Variants in MSS51 observed in about 807,000 individuals in gnomAD.
MSS51 encodes MSS51 mitochondrial translational activator, also known as putative protein MSS51 homolog, mitochondrial.
Under a neutral mutation model 40.2 loss-of-function variants are expected in MSS51, and 32 were observed. The ratio of observed to expected loss-of-function variants is 0.80; its 90% CI spans 0.60 to 1.07. MSS51 has a LOEUF of 1.07. Among genes scored for constraint, MSS51 ranks in the 50% least tolerant of loss-of-function variants. The probability of loss-of-function intolerance (pLI) is 0.00; values close to 1 mark genes in which losing one functional copy is unlikely to be tolerated. For synonymous variants in MSS51, 178 were observed against 214.2 expected, an observed-to-expected ratio of 0.83 and a Z score of 1.48; for missense variants, 518 against 568.9, an observed-to-expected ratio of 0.91 and a Z score of 0.91.
intron 1 of MSS51, chr10:73,429,584 G>C (rs540232093): frequency 5.7e-5 from 26 of 456,020 alleles, no homozygotes; most frequent in African/African-American, 5.0e-4. Context: ...TTCCTAAAGT[G>C]GTAAGTTTTG....
intron 1 of MSS51, among the ~76,000 whole-genome samples, chr10:73,432,393 G>C (rs1239335888): frequency 6.6e-6 from 1 of 151,972 alleles, no homozygotes; most frequent in Non-Finnish European, 1.5e-5. Context: ...AAATAGGTAT[G>C]GAAGGAAAGT....
rs539931610 is a variant in MSS51, at chr10:73,430,879, A to G, written c.-17-2578T>C. Among the ~76,000 whole-genome samples the G allele has an allele frequency of 4.6e-5, 7 of 152,332 alleles. No homozygotes were observed. In the South Asian group the frequency reaches 1.4e-3, roughly 32 times the overall value. On this transcript the variant is annotated intron_variant, in intron 1 of 6. Transcript: ENST00000299432. ...GGTAGAAACAACCCAAAGGTCCATC[A>G]ATGGATAAATGGATAAACAAATTGG...
chr10:73,428,020 T>C, intron 2 of MSS51, 44 bp downstream of exon 2: 1 of 1,572,058 alleles, frequency 6.4e-7, no homozygotes, highest in Non-Finnish European at 8.7e-7. Context: ...AATTTACTTC[T>C]ACCAGAGACA....
At chr10:73,431,803 T>C (rs760737802) in intron 1 of MSS51, among the ~76,000 whole-genome samples, 3 of 152,210 alleles carry the variant, frequency 2.0e-5, no homozygotes, top group Non-Finnish European at 4.4e-5. Context: ...TTACCTTCAA[T>C]GAAGAAATTG....
In MSS51 at chr10:73,424,779, A is replaced by C; in HGVS notation, c.1164-7T>G. The C allele has an allele frequency of 6.2e-7, 1 of 1,604,018 alleles. No homozygotes were observed. The highest frequency in any genetic ancestry group is 8.5e-7 in the Non-Finnish European group (1 of 1,170,950). On this transcript the variant is annotated splice_region_variant and splice_polypyrimidine_tract_variant and intron_variant, in intron 6 of 6. Transcript: ENST00000299432. ...GGATACCAACTCCTGATGGCTGTAG[A>C]AGAGAGAGAAGAAAAATTACTCTAC...
At position 73,424,164 on chromosome 10, in the gene MSS51, G is replaced by C. The variant is rs540604064; in HGVS notation, c.*389C>G. On this transcript the variant is annotated 3_prime_UTR_variant, in exon 7 of 7. Transcript: ENST00000299432. ...GAGGCTGAGGCAGGCAGATCACCTGGGGTCAAGGGTTTGATACGAGCCTGG... is the reference window on the plus strand; with the variant it reads ...GAGGCTGAGGCAGGCAGATCACCTGCGGTCAAGGGTTTGATACGAGCCTGG... 5.5e-6 allele frequency: 1 copy of C among 181,416 alleles called. No homozygotes were observed. Among genetic ancestry groups the C allele is most frequent in the East Asian group, 1.4e-4 (1 of 7,200 alleles). 11.2% of individuals were successfully genotyped at this position (181,416 alleles called of 1,614,324 possible).
intron 1 of MSS51, among the ~76,000 whole-genome samples, chr10:73,429,905 CAGA>C: frequency 6.6e-6 from 1 of 152,208 alleles, no homozygotes; most frequent in African/African-American, 2.4e-5. Flanking sequence ...AATGGGAGAT[CAGA>C]AGAAGAAAAT....
rs2055991935 is a variant in MSS51 at position 73,426,697 on chromosome 10, G to A, written c.412C>T (p.Gln138Ter). ...CTGTGTGCGGGCCAGTCTGACTTCT[G>A]GCACTCTGGACCACAGTAATAGACA... ...RNVYYCGPEC[Q>*]KSDWPAHRRV... Residue 138 changes from glutamine (Q) to a stop codon, truncating the protein, a stop_gained, in exon 4 of 7, where the codon CAG becomes TAG. Transcript: ENST00000299432. LOFTEE classifies it high-confidence loss of function. The A allele has an allele frequency of 1.2e-6, 2 of 1,614,120 alleles. No homozygotes were observed. Among genetic ancestry groups the A allele is most frequent in the Admixed American group, 1.7e-5 (1 of 60,022 alleles).
intron 1 of MSS51, 52 bp from the exon 2 acceptor site, chr10:73,428,353 C>T: frequency 7.3e-7 from 1 of 1,369,376 alleles, no homozygotes; most frequent in South Asian, 1.4e-5. Context: ...AAGCTGGACA[C>T]TTGTGAAGTA....
In MSS51 at chr10:73,426,131, A is replaced by C; in HGVS notation, c.749T>G (p.Leu250Arg). The C allele has an allele frequency of 6.2e-7, 1 of 1,614,198 alleles. No homozygotes were observed. Among genetic ancestry groups the C allele is most frequent in the Non-Finnish European group, 8.5e-7 (1 of 1,180,022 alleles). ...LSRPLTLGLGLRALGIDVRRT... is the reference protein window; with the variant it reads ...LSRPLTLGLGRRALGIDVRRT... ...CCTAACATCTATCCCCAAGGCCCTA[A>C]GTCCTAGGCCTAGAGTCAAGGGCCG... The change falls in exon 5 of 7, where the codon CTT becomes CGT. Residue 250 changes from leucine to arginine, a missense_variant. Coordinates refer to ENST00000299432, the MANE Select transcript of MSS51 (RefSeq NM_001024593.2).
In MSS51 at chr10:73,433,514, C is replaced by G. The variant is rs1383243030; in HGVS notation, c.-19G>C. 1 of 152,192 alleles carries G rather than the reference C, an allele frequency of 6.6e-6. No homozygotes were observed. 9.4% of individuals were successfully genotyped at this position (152,192 alleles called of 1,614,324 possible). On this transcript the variant is annotated splice_region_variant and 5_prime_UTR_variant, in exon 1 of 7. Transcript: ENST00000299432. ...AGGTTGACGGAAAAAAAAACTTACC[C>G]TGCTAAGTCCTCAGCTTCCTTCCTT... is the stretch of plus-strand genomic sequence containing the variant.
Position 73,427,848 on chromosome 10 carries a change from C to T in MSS51, c.222-80G>A. 4.6e-6 allele frequency: 7 copies of T among 1,506,452 alleles called. No homozygotes were observed. The South Asian group carries it at 5.0e-5, about 11-fold the overall frequency. 93.3% of individuals were successfully genotyped at this position (1,506,452 alleles called of 1,614,324 possible). A position where few individuals can be genotyped will look rare whatever the true frequency, so the allele number is the denominator to read the frequency against. On this transcript the variant is annotated intron_variant, in intron 2 of 6. Coordinates refer to ENST00000299432, the MANE Select transcript of MSS51 (RefSeq NM_001024593.2). ...TCTCTCATGCCCCCCATCTTGTCTC[C>T]TACACATTTCCACTTACTCCTATGT...
intron 1 of MSS51, among the ~76,000 whole-genome samples, chr10:73,428,599 C>T (rs543281308): frequency 3.3e-5 from 5 of 152,110 alleles, no homozygotes; most frequent in African/African-American, 1.2e-4. Context: ...GATTCTCCTG[C>T]CTCAGCCTCC....
At chr10:73,432,089 A>G (rs1001832791) in intron 1 of MSS51, among the ~76,000 whole-genome samples, 1 of 152,134 alleles carries the variant, frequency 6.6e-6, no homozygotes, top group African/African-American at 2.4e-5. Context: ...CCCAGGCTGG[A>G]GTGCAGTGGT....
chr10:73,426,550 T>C, intron 4 of MSS51, 57 bp downstream of exon 4: 1 of 1,611,310 alleles, frequency 6.2e-7, no homozygotes, highest in East Asian at 2.2e-5. Context: ...TGTATCTTCC[T>C]TTAAATGCAA....
chr10:73,428,146 A>C lies in MSS51; in HGVS notation c.139T>G (p.Phe47Val). 1.2e-6 allele frequency: 2 copies of C among 1,614,130 alleles called. No individual in the cohort carries two copies. Among genetic ancestry groups the C allele is most frequent in the Non-Finnish European group, 8.5e-7 (1 of 1,180,044 alleles). The change falls in exon 2 of 7, where the codon TTC becomes GTC. Residue 47 changes from phenylalanine (F) to valine (V), a missense_variant. Physicochemically the swap from Phe to Val is conservative, Grantham distance 50. Coordinates refer to ENST00000299432, the MANE Select transcript of MSS51 (RefSeq NM_001024593.2). ...KPGPSIDTLG[F>V]FSLDDNVPGL... ...GGAACATTATCATCCAAGGAGAAGA[A>C]GCCAAGTGTGTCAATGCTAGGGCCA... is the stretch of plus-strand genomic sequence containing the variant.
intron 1 of MSS51, among the ~76,000 whole-genome samples, chr10:73,428,524 G>C (rs1041874338): frequency 5.3e-5 from 8 of 152,086 alleles, no homozygotes; most frequent in African/African-American, 1.9e-4. Flanking sequence ...ACAGAGTCTT[G>C]CTCTGCCGCC....
intron 5 of MSS51, 90 bp downstream of exon 5, chr10:73,425,721 C>A: frequency 8.7e-7 from 1 of 1,153,060 alleles, no homozygotes. Context: ...TTTAATGAGA[C>A]CAAATGAATG....
intron 3 of MSS51, 90 bp downstream of exon 3, chr10:73,427,523 C>G: frequency 1.4e-6 from 2 of 1,409,610 alleles, no homozygotes; most frequent in Non-Finnish European, 1.9e-6. Flanking sequence ...CTCGGCCTCC[C>G]AAGGTGCTGG....
Sources: allele counts gnomAD v4.1 joint callset (sites outside exome capture counted in the v4.1 genomes callset), GRCh38; gene constraint gnomAD v4.1.1; transcripts MANE v1.5; gene names NCBI Gene and HGNC (gene_info 2026-07-23, HGNC 2026-07-21).